USH2A: variants seen among roughly 807,000 people sequenced by gnomAD.
The protein encoded by USH2A is Usher syndrome 2A (autosomal recessive, mild).
USH2A carries 443 observed loss-of-function variants against 538.9 expected under a neutral mutation model. That is an observed-to-expected ratio of 0.82 (90% CI 0.76 to 0.89). The LOEUF is 0.89. USH2A is among the 40% of genes least tolerant of loss of function. USH2A has a pLI of 0.00. For missense variants in USH2A, 6,633 were observed against 6,324.8 expected, an observed-to-expected ratio of 1.05 and a Z score of -1.65; for synonymous variants, 2,413 against 2,273.5, an observed-to-expected ratio of 1.06 and a Z score of -1.75.
At chr1:216,029,101 T>C (rs902394628) in intron 32 of USH2A, among the ~76,000 whole-genome samples, 1 of 152,110 alleles carries the variant, frequency 6.6e-6, no homozygotes, top group Non-Finnish European at 1.5e-5. Context: ...TAATTTTGAA[T>C]GAATAATGCA....
At chr1:216,173,212 T>C (rs1246909663) in intron 21 of USH2A, among the ~76,000 whole-genome samples, 1 of 152,146 alleles carries the variant, frequency 6.6e-6, no homozygotes, top group Non-Finnish European at 1.5e-5. Flanking sequence ...ATTAATTGGG[T>C]ACATTTAGTT....
intron 35 of USH2A, among the ~76,000 whole-genome samples, chr1:215,976,713 G>A (rs1329328054): frequency 6.6e-6 from 1 of 152,110 alleles, no homozygotes; most frequent in Non-Finnish European, 1.5e-5. Flanking sequence ...CTACTTGATT[G>A]TGTTGAATTA....
intron 55 of USH2A, among the ~76,000 whole-genome samples, chr1:215,769,499 C>T (rs115931228): frequency 0.01 from 1,550 of 152,228 alleles, 17 homozygotes; most frequent in Non-Finnish European, 0.017. Flanking sequence ...TGAGTGGTCT[C>T]CATTTTACTT....
intron 4 of USH2A, among the ~76,000 whole-genome samples, chr1:216,361,325 A>T (rs1398640588): frequency 6.6e-6 from 1 of 152,154 alleles, no homozygotes; most frequent in African/African-American, 2.4e-5. Flanking sequence ...CTGTAGGAGG[A>T]TATCTTCGTG....
chr1:216,293,625 T>A (rs1453056120), intron 9 of USH2A, among the ~76,000 whole-genome samples: 1 of 152,200 alleles, frequency 6.6e-6, no homozygotes, highest in Admixed American at 6.5e-5. Flanking sequence ...TTACTTCAAG[T>A]ATTTTCTTTC....
chr1:215,985,022 CT>C (rs1176489520), intron 35 of USH2A, among the ~76,000 whole-genome samples: 1 of 152,164 alleles, frequency 6.6e-6, no homozygotes, highest in African/African-American at 2.4e-5. Context: ...GAAATTCTAC[CT>C]GACAAACTGA....
chr1:215,876,395 T>C (rs1478915270), intron 43 of USH2A, among the ~76,000 whole-genome samples: 1 of 152,200 alleles, frequency 6.6e-6, no homozygotes, highest in East Asian at 1.9e-4. Context: ...AGAATTTTCC[T>C]TAGTTTTGCC....
At chr1:216,414,672 A>G (rs2039547604) in intron 3 of USH2A, among the ~76,000 whole-genome samples, 6 of 152,092 alleles carry the variant, frequency 3.9e-5, no homozygotes, top group Non-Finnish European at 1.5e-5. Context: ...GCAACGAACT[A>G]AAATTCTGGT....
At chr1:215,832,461 T>C (rs1663348977) in intron 47 of USH2A, among the ~76,000 whole-genome samples, 1 of 151,948 alleles carries the variant, frequency 6.6e-6, no homozygotes. Context: ...ATCCAGCGAA[T>C]ACAAACTAGT....
chr1:215,870,589 G>T (rs566215110), intron 43 of USH2A, among the ~76,000 whole-genome samples: 12 of 151,688 alleles, frequency 7.9e-5, no homozygotes, highest in Non-Finnish European at 1.5e-4. Flanking sequence ...GAGTCACCGC[G>T]CCTGGCCGAG....
chr1:215,917,970 A>G (rs1666002996), intron 38 of USH2A, among the ~76,000 whole-genome samples: 3 of 151,972 alleles, frequency 2.0e-5, no homozygotes, highest in Non-Finnish European at 4.4e-5. Context: ...CTCAAAAACA[A>G]AACAAAAAAT....
intron 21 of USH2A, among the ~76,000 whole-genome samples, chr1:216,123,918 A>G (rs1315633077): frequency 6.6e-6 from 1 of 151,908 alleles, no homozygotes; most frequent in East Asian, 1.9e-4. Flanking sequence ...GAAGTCATAC[A>G]GTGACCCCAT....
intron 61 of USH2A, among the ~76,000 whole-genome samples, chr1:215,720,842 G>A (rs968956933): frequency 6.6e-6 from 1 of 152,138 alleles, no homozygotes; most frequent in African/African-American, 2.4e-5. Flanking sequence ...AACCCACAGA[G>A]AAAATCCCAT....
intron 11 of USH2A, among the ~76,000 whole-genome samples, chr1:216,265,531 A>G (rs2036454903): frequency 6.6e-6 from 1 of 152,086 alleles, no homozygotes; most frequent in African/African-American, 2.4e-5. Flanking sequence ...CAGTACGTTG[A>G]AGAGATATCT....
chr1:215,659,316 A>C (rs1158920131), intron 64 of USH2A, among the ~76,000 whole-genome samples: 1 of 152,210 alleles, frequency 6.6e-6, no homozygotes. Flanking sequence ...CAAAGGCCTT[A>C]AGGCTAGATC....
At chr1:215,853,693 C>G (rs563184496) in intron 44 of USH2A, among the ~76,000 whole-genome samples, 12 of 152,292 alleles carry the variant, frequency 7.9e-5, no homozygotes, top group African/African-American at 2.4e-4. Flanking sequence ...GCCAGATACC[C>G]TAAATAATCT....
intron 32 of USH2A, among the ~76,000 whole-genome samples, chr1:216,040,981 C>T (rs901934607): frequency 6.6e-6 from 1 of 151,968 alleles, no homozygotes; most frequent in African/African-American, 2.4e-5. Context: ...AAAATGCATA[C>T]TAGTTTAAGC....
chr1:216,392,406 G>A (rs948146106), intron 3 of USH2A, among the ~76,000 whole-genome samples: 1 of 150,002 alleles, frequency 6.7e-6, no homozygotes, highest in African/African-American at 2.5e-5. Flanking sequence ...GCAGGAGAAT[G>A]GCATGACCCC....
chr1:215,646,126 T>C (rs1656844844), intron 67 of USH2A, among the ~76,000 whole-genome samples: 1 of 152,196 alleles, frequency 6.6e-6, no homozygotes, highest in Admixed American at 6.5e-5. Context: ...AAAGAATTGA[T>C]TATGCCAAAA....
Sources: allele counts gnomAD v4.1 joint callset (sites outside exome capture counted in the v4.1 genomes callset), GRCh38; gene constraint gnomAD v4.1.1; transcripts MANE v1.5; gene names NCBI Gene and HGNC (gene_info 2026-07-23, HGNC 2026-07-21).